CDH4: variants seen among roughly 807,000 people sequenced by gnomAD.
CDH4 encodes the protein cadherin-4.
CDH4 carries 33 observed loss-of-function variants against 86.0 expected under a neutral mutation model. That is an observed-to-expected ratio of 0.38 (90% CI 0.29 to 0.51). CDH4 has a LOEUF of 0.51. Ranked by LOEUF, CDH4 falls within the 20% of genes least tolerant of loss-of-function variation. CDH4 has a pLI of 0.86. For synonymous variants in CDH4, 555 were observed against 549.4 expected, an observed-to-expected ratio of 1.01 and a Z score of -0.14; for missense variants, 1,114 against 1,307.4, an observed-to-expected ratio of 0.85 and a Z score of 2.28.
At chr20:61,644,273 G>A (rs1375973044) in intron 2 of CDH4, among the ~76,000 whole-genome samples, 1 of 152,212 alleles carries the variant, frequency 6.6e-6, no homozygotes, top group Non-Finnish European at 1.5e-5. Context: ...TTCAAAAAGG[G>A]AGGCCACGTC....
intron 4 of CDH4, among the ~76,000 whole-genome samples, chr20:61,819,236 G>C (rs1310729376): frequency 6.6e-6 from 1 of 152,216 alleles, no homozygotes; most frequent in Non-Finnish European, 1.5e-5. Context: ...AAGTGGACAC[G>C]AGAGTGCATC....
chr20:61,890,062 ATGGATGCATGGG>A (rs1984743826), intron 7 of CDH4, among the ~76,000 whole-genome samples: 1 of 136,686 alleles, frequency 7.3e-6, no homozygotes, highest in African/African-American at 2.9e-5. Flanking sequence ...TGGATAGATG[ATGGATGCATGGG>A]TGGATGGATG....
At chr20:61,548,526 A>T (rs755997761) in intron 2 of CDH4, among the ~76,000 whole-genome samples, 4 of 152,172 alleles carry the variant, frequency 2.6e-5, no homozygotes, top group Non-Finnish European at 5.9e-5. Context: ...GGAACTATCA[A>T]GCAGAATTCT....
intron 2 of CDH4, among the ~76,000 whole-genome samples, chr20:61,523,397 C>T (rs1342518065): frequency 6.6e-6 from 1 of 152,206 alleles, no homozygotes; most frequent in African/African-American, 2.4e-5. Context: ...ATGGCGTGCT[C>T]CTCGCACGCA....
At chr20:61,596,648 G>C (rs1031572448) in intron 2 of CDH4, among the ~76,000 whole-genome samples, 1 of 152,196 alleles carries the variant, frequency 6.6e-6, no homozygotes, top group Non-Finnish European at 1.5e-5. Context: ...ACCAGCTCTG[G>C]TCTGGGTTTG....
At position 61,565,230 on chromosome 20, in the gene CDH4, GTGGTGGTGGTGGCGGTGCTCTTGGTGA is replaced by G. The variant is rs1405035104; in HGVS notation, c.170-178320_170-178294del. Among the ~76,000 whole-genome samples, 146 of 30,574 alleles carry G rather than the reference GTGGTGGTGGTGGCGGTGCTCTTGGTGA, an allele frequency of 4.8e-3. 5 individuals are homozygous for G. The highest frequency in any genetic ancestry group is 7.2e-3 in the Non-Finnish European group (114 of 15,730). 20.1% of individuals were successfully genotyped at this position (30,574 alleles called of 152,430 possible). ...GCGGTGCTCTCGGTGGTAGGTGGTGGTGGTGGTGGTGGCGGTGCTCTTGGTGATGGTGGTGGTGGTCCTCTTGGTGAT... is the reference window on the plus strand; with the variant it reads ...GCGGTGCTCTCGGTGGTAGGTGGTGGTGGTGGTGGTGGTCCTCTTGGTGAT... On this transcript the variant is annotated intron_variant, in intron 2 of 15. Transcript: ENST00000614565.
chr20:61,419,243 G>A (rs761803949), intron 2 of CDH4, among the ~76,000 whole-genome samples: 19 of 152,258 alleles, frequency 1.2e-4, no homozygotes, highest in Admixed American at 3.9e-4. Context: ...GAGCAGAGGC[G>A]GCCGCTTTGC....
At chr20:61,382,482 G>C (rs965454475) in intron 2 of CDH4, among the ~76,000 whole-genome samples, 3 of 152,186 alleles carry the variant, frequency 2.0e-5, no homozygotes, top group Non-Finnish European at 4.4e-5. Context: ...CTCTGCCATG[G>C]GCCCTCCTGA....
chr20:61,550,714 G>T (rs1379294576), intron 2 of CDH4, among the ~76,000 whole-genome samples: 1 of 152,196 alleles, frequency 6.6e-6, no homozygotes, highest in Non-Finnish European at 1.5e-5. Context: ...TCTTCTTTGG[G>T]CTCCTTGCAG....
chr20:61,848,494 C>T (rs1198512520), intron 5 of CDH4, among the ~76,000 whole-genome samples: 2 of 151,918 alleles, frequency 1.3e-5, no homozygotes, highest in East Asian at 1.9e-4. Flanking sequence ...ACCTCAGCCT[C>T]CCAAGTACCT....
chr20:61,448,753 A>G (rs1435811032), intron 2 of CDH4, among the ~76,000 whole-genome samples: 1 of 152,166 alleles, frequency 6.6e-6, no homozygotes, highest in African/African-American at 2.4e-5. Flanking sequence ...GCAGTTCTGT[A>G]TAATGAATAT....
chr20:61,523,734 C>T (rs1306305794), intron 2 of CDH4, among the ~76,000 whole-genome samples: 2 of 152,208 alleles, frequency 1.3e-5, no homozygotes, highest in Non-Finnish European at 2.9e-5. Context: ...CACCCGTCTG[C>T]GTCCCCGACC....
intron 2 of CDH4, among the ~76,000 whole-genome samples, chr20:61,693,745 G>A (rs1345240171): frequency 6.6e-6 from 1 of 152,212 alleles, no homozygotes; most frequent in African/African-American, 2.4e-5. Context: ...AGGCAGAAGT[G>A]GAGCATGCAT....
At chr20:61,471,376 T>G (rs1250055187) in intron 2 of CDH4, among the ~76,000 whole-genome samples, 1 of 152,082 alleles carries the variant, frequency 6.6e-6, no homozygotes, top group East Asian at 1.9e-4. Context: ...CAATGTCTCT[T>G]TTTTCATCTC....
chr20:61,821,864 T>C (rs974550644), intron 4 of CDH4, among the ~76,000 whole-genome samples: 2 of 152,234 alleles, frequency 1.3e-5, no homozygotes, highest in Non-Finnish European at 2.9e-5. Flanking sequence ...TACCCAGACA[T>C]TAATGAGTAA....
intron 4 of CDH4, among the ~76,000 whole-genome samples, chr20:61,816,359 A>G (rs1980713352): frequency 6.6e-6 from 1 of 152,238 alleles, no homozygotes; most frequent in South Asian, 2.1e-4. Context: ...AGCAGAGTTC[A>G]GCTGAGATTC....
At position 61,665,110 on chromosome 20, in the gene CDH4, C is replaced by T. The variant is rs371762395; in HGVS notation, c.170-78453C>T. On this transcript the variant is annotated intron_variant, in intron 2 of 15. Coordinates refer to ENST00000614565, the MANE Select transcript of CDH4 (RefSeq NM_001794.5). ...TCCCTGAGTCAGAAGGGAGGTGGGA[C>T]GAGTTGAGAAGGACAATCCAGCCGG... Among the ~76,000 whole-genome samples the T allele has an allele frequency of 2.0e-5, 3 of 152,170 alleles. 1 individual carries two copies. Among genetic ancestry groups the T allele is most frequent in the Admixed American group, 2.0e-4 (3 of 15,280 alleles).
At chr20:61,677,678 C>G (rs527251987) in intron 2 of CDH4, among the ~76,000 whole-genome samples, 58 of 151,232 alleles carry the variant, frequency 3.8e-4, no homozygotes, top group Middle Eastern at 3.4e-3. Flanking sequence ...GGTGGGTGGA[C>G]AGACGGACGG....
At chr20:61,554,805 TATGCACATGC>T (rs1190101560) in intron 2 of CDH4, among the ~76,000 whole-genome samples, 1 of 152,272 alleles carries the variant, frequency 6.6e-6, no homozygotes, top group African/African-American at 2.4e-5. Context: ...CGTGCACATG[TATGCACATGC>T]GTGTGAGAGT....
Sources: gnomAD v4.1 joint callset for allele counts (sites outside exome capture counted in the v4.1 genomes callset) on GRCh38, gnomAD v4.1.1 for gene constraint, MANE v1.5 for transcripts, NCBI Gene and HGNC (gene_info 2026-07-23, HGNC 2026-07-21) for gene names.